Variants in HMGXB4 observed in about 807,000 individuals in gnomAD.
HMGXB4 encodes the protein HMG domain-containing protein 4.
HMGXB4 carries 27 observed loss-of-function variants against 63.9 expected under a neutral mutation model. The observed-to-expected ratio is 0.42, with a 90% CI of 0.31 to 0.58. HMGXB4 has a LOEUF of 0.58. Among genes scored for constraint, HMGXB4 ranks in the 20% least tolerant of loss-of-function variants. HMGXB4 has a pLI of 0.13. For synonymous variants in HMGXB4, 264 were observed against 265.3 expected (o/e 0.99, Z 0.05); for missense variants, 624 against 700.7 (o/e 0.89, Z 1.24).
At chr22:35,287,261 T>C in intron 7 of HMGXB4, 86 bp from the exon 8 acceptor site, 1 of 1,073,334 alleles carries the variant, frequency 9.3e-7, no homozygotes, top group Non-Finnish European at 1.4e-6. Flanking sequence ...TGCCTTTCTT[T>C]TCTCCATTTT....
the HMGXB4 span, among the ~76,000 whole-genome samples, chr22:35,244,874 C>T: frequency 6.6e-6 from 1 of 152,138 alleles, no homozygotes; most frequent in South Asian, 2.1e-4. Flanking sequence ...GCAACTGTAC[C>T]CTTTCTATAA....
At chr22:35,256,564 A>G (rs888086694), upstream of HMGXB4, among the ~76,000 whole-genome samples, 7 of 152,138 alleles carry the variant, frequency 4.6e-5, no homozygotes, top group African/African-American at 1.4e-4. Flanking sequence ...CAGTGGCGCA[A>G]TCTCGGCTCA....
intron 5 of HMGXB4, among the ~76,000 whole-genome samples, chr22:35,272,429 T>G (rs1923661767): frequency 6.6e-6 from 1 of 152,076 alleles, no homozygotes. Context: ...TGGAGGTGGT[T>G]TTTGTTTGGT....
intron 1 of HMGXB4, chr22:35,261,949 T>C (rs909482): frequency 1 from 164,598 of 164,808 alleles, 82,194 homozygotes; most frequent in Middle Eastern, 1. Flanking sequence ...CTTGCTTTAC[T>C]TGTGTATGTT....
chr22:35,283,979 G>T lies in HMGXB4; in HGVS notation c.1233G>T (p.Met411Ile). The T allele has an allele frequency of 1.2e-6, 2 of 1,613,936 alleles. No individual in the cohort carries two copies. The highest frequency in any genetic ancestry group is 2.2e-5 in the East Asian group (1 of 44,860). ...GGCATTAGCCAAAAAAGAAGAACAT[G>T]TCGGCCTACCAGGTGTTCTGTAAAG... is the stretch of plus-strand genomic sequence containing the variant. ...ERGEKPKKKN[M>I]SAYQVFCKEY... Residue 411 changes from methionine to isoleucine, a missense_variant, in exon 6 of 11, where the codon ATG becomes ATT. Physicochemically the swap from Met to Ile is conservative, Grantham distance 10. Coordinates refer to ENST00000216106, the MANE Select transcript of HMGXB4 (RefSeq NM_001003681.3).
chr22:35,274,349 T>A (rs117987297), intron 5 of HMGXB4, among the ~76,000 whole-genome samples: 1 of 152,198 alleles, frequency 6.6e-6, no homozygotes, highest in Non-Finnish European at 1.5e-5. Context: ...GAAGTTGATA[T>A]GACTGAAGCA....
intron 5 of HMGXB4, among the ~76,000 whole-genome samples, chr22:35,270,606 C>G (rs1923547956): frequency 6.6e-6 from 1 of 152,104 alleles, no homozygotes; most frequent in Non-Finnish European, 1.5e-5. Context: ...ATCTGGGAAG[C>G]CAGAAACATA....
chr22:35,289,511 A>G (rs1169709933), intron 9 of HMGXB4, among the ~76,000 whole-genome samples: 1 of 152,228 alleles, frequency 6.6e-6, no homozygotes, highest in Non-Finnish European at 1.5e-5. Context: ...TACAAATTCC[A>G]TAGCAGTTTT....
At chr22:35,287,152 C>T in intron 7 of HMGXB4, 195 bp from the exon 8 acceptor site, 1 of 546,512 alleles carries the variant, frequency 1.8e-6, no homozygotes, top group Non-Finnish European at 3.3e-6. Context: ...GTTTATAGTC[C>T]TTTACTAAGA....
chr22:35,289,139 CA>C (rs1325360150), intron 9 of HMGXB4, among the ~76,000 whole-genome samples: 1 of 110,156 alleles, frequency 9.1e-6, no homozygotes, highest in Non-Finnish European at 2.3e-5. Flanking sequence ...GACTCCATCA[CA>C]AAAAAGAAAG....
Position 35,285,992 on chromosome 22 carries a change from G to A in HMGXB4, c.1298-5G>A, listed in dbSNP as rs1924554074. 1 of 1,605,900 alleles carries A rather than the reference G, an allele frequency of 6.2e-7. No homozygotes were observed. ...TGTATTGAGTGTTTTACTCTTTTAT[G>A]CCAGATTTTGGGGAACTTAGTAAAA... On this transcript the variant is annotated splice_region_variant and splice_polypyrimidine_tract_variant and intron_variant, in intron 6 of 10. Transcript: ENST00000216106.
chr22:35,243,952 G>A, the HMGXB4 span, among the ~76,000 whole-genome samples: 1 of 152,142 alleles, frequency 6.6e-6, no homozygotes, highest in African/African-American at 2.4e-5. Flanking sequence ...TCTTGTATAA[G>A]ATAAACATTT....
At chr22:35,252,761 T>C (rs1922241072), upstream of HMGXB4, among the ~76,000 whole-genome samples, 1 of 152,116 alleles carries the variant, frequency 6.6e-6, no homozygotes, top group Non-Finnish European at 1.5e-5. Flanking sequence ...CCCAGCACTT[T>C]GGGAGGCCAA....
At chr22:35,268,374 T>C (rs1923398326) in intron 5 of HMGXB4, among the ~76,000 whole-genome samples, 1 of 152,222 alleles carries the variant, frequency 6.6e-6, no homozygotes, top group African/African-American at 2.4e-5. Flanking sequence ...CCTTAATATC[T>C]TTCAAGCCTT....
In HMGXB4 at chr22:35,289,224, C is replaced by T. The variant is rs562389923; in HGVS notation, c.1638+817C>T. Among the ~76,000 whole-genome samples, 187 of 152,020 alleles carry T rather than the reference C, an allele frequency of 1.2e-3. 1 individual carries two copies. The highest frequency in any genetic ancestry group is 4.4e-3 in the African/African-American group (182 of 41,480). On this transcript the variant is annotated intron_variant, in intron 9 of 10. Coordinates refer to ENST00000216106, the MANE Select transcript of HMGXB4 (RefSeq NM_001003681.3). ...CTGTAATCCCAGCAATTTGGGAGAC[C>T]AAGGCAGGAGGATCGCTTGAGGCCA...
intron 5 of HMGXB4, among the ~76,000 whole-genome samples, chr22:35,282,119 T>G (rs1924278059): frequency 6.6e-6 from 1 of 152,202 alleles, no homozygotes; most frequent in African/African-American, 2.4e-5. Context: ...TCACAAAACC[T>G]GACTCTTAAG....
intron 6 of HMGXB4, 105 bp from the exon 7 acceptor site, chr22:35,285,892 A>G (rs1924547279): frequency 2.5e-6 from 2 of 790,636 alleles, no homozygotes; most frequent in Non-Finnish European, 4.1e-6. Flanking sequence ...TGCAACATTT[A>G]AATATGAGCT....
intron 5 of HMGXB4, among the ~76,000 whole-genome samples, chr22:35,275,322 C>T (rs759340159): frequency 3.2e-4 from 48 of 151,860 alleles, no homozygotes; most frequent in Non-Finnish European, 6.3e-4. Context: ...GTTTCACCAC[C>T]TTGGCCAGGC....
At chr22:35,262,473 C>G (rs759836637) in intron 2 of HMGXB4, 52 bp downstream of exon 2, 2 of 1,552,784 alleles carry the variant, frequency 1.3e-6, no homozygotes, top group Admixed American at 3.3e-5. Flanking sequence ...CTCTTCAATC[C>G]TTGCAGCCCA....
Sources: gnomAD v4.1 joint callset for allele counts (sites outside exome capture counted in the v4.1 genomes callset) on GRCh38, gnomAD v4.1.1 for gene constraint, MANE v1.5 for transcripts, NCBI Gene and HGNC (gene_info 2026-07-23, HGNC 2026-07-21) for gene names.